TUBB8: variants seen among roughly 807,000 people sequenced by gnomAD.
TUBB8 encodes tubulin beta 8 class VIII.
Under a neutral mutation model 33.7 loss-of-function variants are expected in TUBB8, and 25 were observed. That is an observed-to-expected ratio of 0.74 (90% CI 0.54 to 1.04). The LOEUF (loss-of-function observed/expected upper bound fraction) is 1.04, where lower values mean the gene tolerates loss of function less well. Ranked by LOEUF, TUBB8 falls within the 50% of genes least tolerant of loss-of-function variation. The pLI, the probability that TUBB8 is intolerant of heterozygous loss-of-function variation, is 0.00. For missense variants in TUBB8, 279 were observed against 608.0 expected, an observed-to-expected ratio of 0.46 and a Z score of 5.69; for synonymous variants, 245 against 240.1, an observed-to-expected ratio of 1.02 and a Z score of -0.19.
Position 47,235 on chromosome 10 carries a change from G to A in TUBB8, c.1157C>T (p.Thr386Ile), listed in dbSNP as rs782268977. Residue 386 changes from threonine (T) to isoleucine (I), a missense_variant, in exon 4 of 4, where the codon ACA becomes ATA. Transcript: ENST00000568584. ...ELFKRVSEQF[T>I]AMFRRKAFLH... The stretch of plus-strand genomic sequence containing the variant: ...GAAGGCCTTGCGCCTGAACATTGCT[G>A]TAAACTGCTCTGAGACACGCTTGAA... 2.5e-6 allele frequency: 4 copies of A among 1,606,316 alleles called. No homozygotes were observed. Among genetic ancestry groups the A allele is most frequent in the African/African-American group, 1.4e-5 (1 of 69,588 alleles).
intron 1 of TUBB8, among the ~76,000 whole-genome samples, chr10:66,119 G>A (rs560824302): frequency 4.1e-4 from 62 of 152,260 alleles, no homozygotes; most frequent in South Asian, 1.9e-3. Context: ...AACACTGTAC[G>A]GGAAGTTCCA....
At chr10:55,218 T>C (rs1834515133) in intron 1 of TUBB8, among the ~76,000 whole-genome samples, 1 of 152,158 alleles carries the variant, frequency 6.6e-6, no homozygotes, top group Admixed American at 6.5e-5. Flanking sequence ...GAAGAGCCCC[T>C]TATAAAAACA....
At chr10:49,003 A>G (rs1248744153) in intron 1 of TUBB8, 91 bp from the exon 2 acceptor site, 3 of 583,224 alleles carry the variant, frequency 5.1e-6, no homozygotes, top group East Asian at 1.8e-4. Context: ...CCGCACCCCC[A>G]TCCCTAGGCC....
In TUBB8 at chr10:58,810, A is replaced by G. The variant is rs28876669; in HGVS notation, c.-845-8577T>C. Among the ~76,000 whole-genome samples, 809 of 136,810 alleles carry G rather than the reference A, an allele frequency of 5.9e-3. 1 individual carries two copies. Among genetic ancestry groups the G allele is most frequent in the Non-Finnish European group, 7.8e-3 (497 of 63,654 alleles). The allele number at this position is 136,810 out of a possible 152,430, so 89.8% of individuals were successfully genotyped here. Reference sequence around the variant, plus strand: ...ATATGAGATTTGGGAGGGGACGCACATTCAAACCCTATCAGAGGAGTCTTT... The same window carrying G: ...ATATGAGATTTGGGAGGGGACGCACGTTCAAACCCTATCAGAGGAGTCTTT... On this transcript the variant is annotated intron_variant, in intron 1 of 3. Coordinates refer to the TUBB8 transcript ENST00000564130.
intron 1 of TUBB8, among the ~76,000 whole-genome samples, chr10:57,633 A>G (rs9702759): frequency 4.4e-3 from 562 of 128,754 alleles, no homozygotes; most frequent in African/African-American, 0.011. Flanking sequence ...CCTGGAGCTG[A>G]AGCAGTGGCC....
intron 1 of TUBB8, among the ~76,000 whole-genome samples, chr10:59,081 T>C (rs1834566728): frequency 6.6e-6 from 1 of 152,228 alleles, no homozygotes; most frequent in East Asian, 1.9e-4. Context: ...TGACTTTTAT[T>C]ATGTTCAGAT....
chr10:53,432 T>C (rs1348157053), upstream of TUBB8, among the ~76,000 whole-genome samples: 1 of 152,226 alleles, frequency 6.6e-6, no homozygotes, highest in Non-Finnish European at 1.5e-5. Flanking sequence ...CCAGCCACAA[T>C]GAGGCTTTTA....
chr10:67,659 C>A (rs577896219), intron 1 of TUBB8, among the ~76,000 whole-genome samples: 90 of 152,352 alleles, frequency 5.9e-4, no homozygotes, highest in African/African-American at 2.1e-3. Flanking sequence ...CTCCTGACCT[C>A]ATGGATCCAC....
chr10:64,943 C>CA (rs1834650143), intron 1 of TUBB8, among the ~76,000 whole-genome samples: 1 of 147,432 alleles, frequency 6.8e-6, no homozygotes, highest in Admixed American at 6.9e-5. Flanking sequence ...TTGAGACCAG[C>CA]CTGGTCAACA....
rs1404507626 is a variant in TUBB8 at position 64,270 on chromosome 10, AAGCCCT to A, written c.-846+9693_-846+9698del. Among the ~76,000 whole-genome samples the A allele has an allele frequency of 6.4e-5, 9 of 139,996 alleles. No homozygotes were observed. In the East Asian group the frequency reaches 1.8e-3, roughly 28 times the overall value. The allele number at this position is 139,996 out of a possible 152,430, so 91.8% of individuals were successfully genotyped here. A position where few individuals can be genotyped will look rare whatever the true frequency, so the allele number is the denominator to read the frequency against. On this transcript the variant is annotated intron_variant, in intron 1 of 3. Coordinates refer to the TUBB8 transcript ENST00000564130. ...CTTGGCTACCATATAAGTTTATTCAAAGCCCTAGCCCTAGCCCTAACCCTAACCCTA... is the reference window on the plus strand; with the variant it reads ...CTTGGCTACCATATAAGTTTATTCAAAGCCCTAGCCCTAACCCTAACCCTA...
intron 1 of TUBB8, among the ~76,000 whole-genome samples, chr10:61,997 TA>T (rs1346719937): frequency 1.6e-5 from 1 of 64,076 alleles, no homozygotes; most frequent in East Asian, 2.5e-4. Context: ...ATAGGTAAAG[TA>T]TTTTTTTTTT....
intron 1 of TUBB8, among the ~76,000 whole-genome samples, chr10:60,532 T>C (rs1834585560): frequency 6.6e-6 from 1 of 152,162 alleles, no homozygotes. Context: ...ATGAGATACA[T>C]CTCACACCAG....
At chr10:60,662 G>C (rs1554740726) in intron 1 of TUBB8, among the ~76,000 whole-genome samples, 1 of 152,292 alleles carries the variant, frequency 6.6e-6, no homozygotes, top group Non-Finnish European at 1.5e-5. Context: ...GTGGAAGTCA[G>C]TGTGGTGATT....
intron 1 of TUBB8, among the ~76,000 whole-genome samples, chr10:63,142 T>C (rs4881370): frequency 0.79 from 118,897 of 150,080 alleles, 47,103 homozygotes; most frequent in Middle Eastern, 0.89. Context: ...GGCACAATCT[T>C]GGCTCACTGC....
chr10:52,955 T>C (rs1177160618), upstream of TUBB8, among the ~76,000 whole-genome samples: 1 of 152,208 alleles, frequency 6.6e-6, no homozygotes, highest in East Asian at 1.9e-4. Flanking sequence ...ATTTTGTGCA[T>C]TTTGTTTGAT....
At chr10:73,625 AAG>A (rs1834766884) in intron 1 of TUBB8, among the ~76,000 whole-genome samples, 1 of 150,692 alleles carries the variant, frequency 6.6e-6, no homozygotes, top group African/African-American at 2.4e-5. Context: ...CCTGGGAAAC[AAG>A]AGCGAAAGTC....
At chr10:65,511 G>A (rs2130947588) in intron 1 of TUBB8, among the ~76,000 whole-genome samples, 1 of 152,346 alleles carries the variant, frequency 6.6e-6, no homozygotes, top group East Asian at 1.9e-4. Context: ...GATCACCTGA[G>A]GTCAGGAGTT....
At chr10:62,887 G>A (rs1834621431) in intron 1 of TUBB8, among the ~76,000 whole-genome samples, 2 of 152,094 alleles carry the variant, frequency 1.3e-5, no homozygotes, top group Admixed American at 6.5e-5. Context: ...AATGTTATTT[G>A]TGTCTCTTCT....
rs782037271 is a variant in TUBB8, at chr10:48,918, A to G, written c.58-6T>C. ...TCAGAGATCACCTCCCAGAACTGCA[A>G]GAGACGGGAGGAGACAGACAGGCCG... On this transcript the variant is annotated splice_polypyrimidine_tract_variant and splice_region_variant and intron_variant, in intron 1 of 3. Coordinates refer to ENST00000568584, the MANE Select transcript of TUBB8 (RefSeq NM_177987.3). 6.6e-5 allele frequency: 98 copies of G among 1,492,628 alleles called. No homozygotes were observed. Among genetic ancestry groups the G allele is most frequent in the East Asian group, 3.4e-4 (14 of 41,144 alleles). The allele number at this position is 1,492,628 out of a possible 1,614,324, so 92.5% of individuals were successfully genotyped here.
Sources: gnomAD v4.1 joint callset for allele counts (sites outside exome capture counted in the v4.1 genomes callset) on GRCh38, gnomAD v4.1.1 for gene constraint, MANE v1.5 for transcripts, NCBI Gene and HGNC (gene_info 2026-07-23, HGNC 2026-07-21) for gene names.